PIGL: variants seen among roughly 807,000 people sequenced by gnomAD.
PIGL encodes N-acetylglucosaminyl-phosphatidylinositol de-N-acetylase.
Under a neutral mutation model 31.1 loss-of-function variants are expected in PIGL, and 22 were observed. That is an observed-to-expected ratio of 0.71 (90% confidence interval 0.51 to 1.01). The LOEUF is 1.01. Among genes scored for constraint, PIGL ranks in the 50% least tolerant of loss-of-function variants. The pLI is 0.00. For synonymous variants in PIGL, 131 were observed against 117.4 expected (o/e 1.12, Z -0.75); for missense variants, 302 against 315.9 (o/e 0.96, Z 0.33).
At chr17:16,255,212 GTTC>G (rs893949833) in intron 2 of PIGL, among the ~76,000 whole-genome samples, 14 of 152,290 alleles carry the variant, frequency 9.2e-5, no homozygotes, top group Admixed American at 5.9e-4. Flanking sequence ...CTTCTGGAAA[GTTC>G]TTCTTTTTTC....
intron 3 of PIGL, among the ~76,000 whole-genome samples, chr17:16,302,824 C>T (rs1012313298): frequency 6.6e-5 from 10 of 152,010 alleles, no homozygotes; most frequent in Non-Finnish European, 1.2e-4. Flanking sequence ...GTCTTGGTCT[C>T]CTGACCTCGT....
intron 2 of PIGL, among the ~76,000 whole-genome samples, chr17:16,237,191 T>G (rs113966130): frequency 6.9e-6 from 1 of 143,926 alleles, no homozygotes; most frequent in Non-Finnish European, 1.5e-5. Context: ...CACTGCAACG[T>G]CCGCCACCTG....
intron 2 of PIGL, among the ~76,000 whole-genome samples, chr17:16,261,069 A>G (rs1168859346): frequency 6.6e-6 from 1 of 151,880 alleles, no homozygotes; most frequent in Non-Finnish European, 1.5e-5. Context: ...CAGTGAGCCA[A>G]GATCATGCTA....
chr17:16,315,746 C>T (rs1365367586), intron 4 of PIGL, among the ~76,000 whole-genome samples: 17 of 110,870 alleles, frequency 1.5e-4, no homozygotes, highest in African/African-American at 5.9e-4. Flanking sequence ...GACAGAGTCT[C>T]GCTCTGTCAC....
chr17:16,276,548 C>T (rs2092896505), intron 2 of PIGL, among the ~76,000 whole-genome samples: 1 of 152,148 alleles, frequency 6.6e-6, no homozygotes, highest in African/African-American at 2.4e-5. Flanking sequence ...GCCTAGCCAA[C>T]ATGGCGAAAC....
intron 1 of PIGL, among the ~76,000 whole-genome samples, chr17:16,228,859 T>G (rs1455196975): frequency 6.6e-6 from 1 of 152,212 alleles, no homozygotes; most frequent in Non-Finnish European, 1.5e-5. Context: ...TCTCTATGAA[T>G]TTGTCTATTC....
rs138117699 is a variant in PIGL at position 16,217,730 on chromosome 17, G to T, written c.235+269G>T. On this transcript the variant is annotated intron_variant, in intron 1 of 6. Coordinates refer to ENST00000225609, the MANE Select transcript of PIGL (RefSeq NM_004278.4). ...GGTTGTATTCAGTACCTGCATTTCCGTTGGGAACTCCACCTGTACTTGTTA... is the reference window on the plus strand; with the variant it reads ...GGTTGTATTCAGTACCTGCATTTCCTTTGGGAACTCCACCTGTACTTGTTA... 1,187 of 452,752 alleles carry T rather than the reference G, an allele frequency of 2.6e-3. 13 individuals carry two copies. Among genetic ancestry groups the T allele is most frequent in the African/African-American group, 0.022 (1,115 of 51,332 alleles). 28.0% of individuals were successfully genotyped at this position (452,752 alleles called of 1,614,324 possible). A position where few individuals can be genotyped will look rare whatever the true frequency, so the allele number is the denominator to read the frequency against.
intron 2 of PIGL, among the ~76,000 whole-genome samples, chr17:16,296,653 CT>C (rs960704585): frequency 2.6e-4 from 37 of 144,410 alleles, no homozygotes; most frequent in East Asian, 1.4e-3. Context: ...GGAGTTCTTT[CT>C]TTTTTTTTTA....
At chr17:16,290,672 C>G (rs1210276192) in intron 2 of PIGL, among the ~76,000 whole-genome samples, 1 of 152,156 alleles carries the variant, frequency 6.6e-6, no homozygotes, top group Non-Finnish European at 1.5e-5. Context: ...GCATGAGCTA[C>G]TGCGCCCAGC....
chr17:16,264,330 G>C (rs1310016134), intron 2 of PIGL, among the ~76,000 whole-genome samples: 1 of 151,564 alleles, frequency 6.6e-6, no homozygotes, highest in African/African-American at 2.4e-5. Context: ...ATTTTTAGTA[G>C]AGACGAGGTT....
chr17:16,217,616 G>C, intron 1 of PIGL, 155 bp downstream of exon 1: 4 of 580,214 alleles, frequency 6.9e-6, no homozygotes, highest in South Asian at 5.3e-5. Context: ...CTAGGGACAG[G>C]AGCGGCCGGC....
At chr17:16,318,266 T>C (rs2093087119) in intron 6 of PIGL, among the ~76,000 whole-genome samples, 1 of 151,888 alleles carries the variant, frequency 6.6e-6, no homozygotes, top group Non-Finnish European at 1.5e-5. Flanking sequence ...GGGCTACATC[T>C]TTCTACTCTT....
chr17:16,247,783 G>A (rs1350688481), intron 2 of PIGL, among the ~76,000 whole-genome samples: 1 of 152,162 alleles, frequency 6.6e-6, no homozygotes, highest in East Asian at 1.9e-4. Context: ...TCTCCTGGCT[G>A]TTATTGAGGT....
In PIGL at chr17:16,279,386, A is replaced by G. The variant is rs566648203; in HGVS notation, c.336-20502A>G. Among the ~76,000 whole-genome samples the G allele has an allele frequency of 1.8e-4, 27 of 152,370 alleles. No homozygotes were observed. The South Asian group carries it at 3.5e-3, about 20-fold the overall frequency. On this transcript the variant is annotated intron_variant, in intron 2 of 6. Transcript: ENST00000225609. ...CAGTTCATTTACTGTAAGGCATAAG[A>G]TTAGACTTGTTGGCATCAAAGGACT...
chr17:16,235,435 CTTTTTTTTTT>C (rs903174807), intron 2 of PIGL, among the ~76,000 whole-genome samples: 2 of 90,924 alleles, frequency 2.2e-5, no homozygotes, highest in African/African-American at 4.9e-5. Flanking sequence ...TGTCTACGTT[CTTTTTTTTTT>C]TTTTTTTTTT....
intron 3 of PIGL, among the ~76,000 whole-genome samples, chr17:16,309,831 C>T (rs1365150946): frequency 6.6e-6 from 1 of 151,728 alleles, no homozygotes; most frequent in African/African-American, 2.4e-5. Flanking sequence ...GTAATCCCAA[C>T]ACTTTGGGAG....
At chr17:16,220,767 C>T (rs934964956) in intron 1 of PIGL, among the ~76,000 whole-genome samples, 2 of 152,054 alleles carry the variant, frequency 1.3e-5, no homozygotes, top group Non-Finnish European at 2.9e-5. Context: ...GGATTACAGG[C>T]GTGAGCCACC....
intron 2 of PIGL, among the ~76,000 whole-genome samples, chr17:16,246,248 G>C (rs535935996): frequency 6.6e-6 from 1 of 151,528 alleles, no homozygotes; most frequent in African/African-American, 2.4e-5. Flanking sequence ...GGCCGGGTGC[G>C]GTGGCTCACA....
chr17:16,280,987 G>T (rs1226064554), intron 2 of PIGL, among the ~76,000 whole-genome samples: 1 of 152,040 alleles, frequency 6.6e-6, no homozygotes, highest in Non-Finnish European at 1.5e-5. Context: ...ACAGGCATGA[G>T]CCACCATGCC....
Sources: gnomAD v4.1 joint callset for allele counts (sites outside exome capture counted in the v4.1 genomes callset) on GRCh38, gnomAD v4.1.1 for gene constraint, MANE v1.5 for transcripts, NCBI Gene and HGNC (gene_info 2026-07-23, HGNC 2026-07-21) for gene names.